Variants in PDS5B observed in about 807,000 individuals in gnomAD.
The protein encoded by PDS5B is sister chromatid cohesion protein PDS5 homolog B.
PDS5B carries 51 observed loss-of-function variants against 184.1 expected under a neutral mutation model. That is an observed-to-expected ratio of 0.28 (90% CI 0.22 to 0.35). The LOEUF (loss-of-function observed/expected upper bound fraction) is 0.35, where lower values mean the gene tolerates loss of function less well. Ranked by LOEUF, PDS5B falls within the 10% of genes least tolerant of loss-of-function variation. The pLI is 1.00. For missense variants in PDS5B, 1,180 were observed against 1,723.3 expected, an observed-to-expected ratio of 0.68 and a Z score of 5.58; for synonymous variants, 566 against 569.2, an observed-to-expected ratio of 0.99 and a Z score of 0.08.
At chr13:32,615,340 T>G (rs1419648361) in intron 1 of PDS5B, among the ~76,000 whole-genome samples, 2 of 152,178 alleles carry the variant, frequency 1.3e-5, no homozygotes, top group African/African-American at 4.8e-5. Flanking sequence ...CATCAGATAG[T>G]TTTTCATCAA....
chr13:32,648,812 A>T lies in PDS5B; in HGVS notation c.40A>T (p.Thr14Ser). The change falls in exon 2 of 35, where the codon ACA becomes TCA. Residue 14 changes from threonine (T) to serine (S), a missense_variant. By Grantham distance (58) the Thr-to-Ser change is moderately conservative. Around this residue, in one of 11 missense-constraint regions of PDS5B, gnomAD observed 13 missense variants for 16.1 expected, o/e 0.81. Transcript: ENST00000315596. ...GACTAGGACCAATGATGGAAAAATT[A>T]CATATCCGCCTGGGGTCAAGGAAAT... is the stretch of plus-strand genomic sequence containing the variant. Reference protein sequence around the residue: ...SKTRTNDGKITYPPGVKEISD... With the variant: ...SKTRTNDGKISYPPGVKEISD... 6.4e-7 allele frequency: 1 copy of T among 1,563,838 alleles called. No homozygotes were observed. Among genetic ancestry groups the T allele is most frequent in the Non-Finnish European group, 8.8e-7 (1 of 1,134,214 alleles).
chr13:32,593,537 C>A (rs1001663872), intron 1 of PDS5B, among the ~76,000 whole-genome samples: 8 of 152,268 alleles, frequency 5.3e-5, no homozygotes, highest in Middle Eastern at 3.4e-3. Flanking sequence ...GACGGGGTTT[C>A]GCCATGTTGG....
At chr13:32,710,842 C>T (rs1420442577) in intron 19 of PDS5B, among the ~76,000 whole-genome samples, 1 of 152,152 alleles carries the variant, frequency 6.6e-6, no homozygotes, top group Non-Finnish European at 1.5e-5. Flanking sequence ...GAAGAATTGC[C>T]TATGGGTCTT....
At chr13:32,755,719 A>G in intron 25 of PDS5B, 123 bp from the exon 26 acceptor site, 1 of 543,098 alleles carries the variant, frequency 1.8e-6, no homozygotes, top group Non-Finnish European at 3.3e-6. Flanking sequence ...TGGGATGCAG[A>G]AAATATAGTA....
In PDS5B at chr13:32,775,258, T is replaced by A; in HGVS notation, c.*206T>A. 1.7e-6 allele frequency: 1 copy of A among 571,964 alleles called. No individual in the cohort carries two copies. Among genetic ancestry groups the A allele is most frequent in the Non-Finnish European group, 3.1e-6 (1 of 321,956 alleles). 35.4% of individuals were successfully genotyped at this position (571,964 alleles called of 1,614,324 possible). A position where few individuals can be genotyped will look rare whatever the true frequency, so the allele number is the denominator to read the frequency against. ...TGGTAACATTGACTATGGAGTCTTG[T>A]GAAAGTGTAATGTGCGATGGCTATG... On this transcript the variant is annotated 3_prime_UTR_variant, in exon 35 of 35. Coordinates refer to ENST00000315596, the MANE Select transcript of PDS5B (RefSeq NM_015032.4).
At chr13:32,704,369 G>A (rs779763836) in intron 17 of PDS5B, among the ~76,000 whole-genome samples, 2 of 152,028 alleles carry the variant, frequency 1.3e-5, no homozygotes, top group African/African-American at 2.4e-5. Context: ...GGGTTTCACC[G>A]TGTTGCCCAG....
chr13:32,757,130 TAA>T (rs879507407), intron 26 of PDS5B, among the ~76,000 whole-genome samples: 10 of 143,026 alleles, frequency 7.0e-5, no homozygotes, highest in Admixed American at 3.5e-4. Flanking sequence ...CTGTCTCTAT[TAA>T]AAAAAAAAAA....
At chr13:32,614,118 T>A (rs1052594709) in intron 1 of PDS5B, among the ~76,000 whole-genome samples, 23 of 152,182 alleles carry the variant, frequency 1.5e-4, no homozygotes, top group African/African-American at 5.3e-4. Flanking sequence ...CTGTACTGTC[T>A]TAGTTAATGT....
chr13:32,658,567 A>ATTTT, intron 5 of PDS5B, 36 bp downstream of exon 5: 1 of 1,106,058 alleles, frequency 9.0e-7, no homozygotes, highest in South Asian at 1.5e-5. Context: ...ACATTAAAAA[A>ATTTT]AGGTAACAAA....
intron 6 of PDS5B, among the ~76,000 whole-genome samples, chr13:32,666,241 C>T (rs956042140): frequency 7.9e-5 from 12 of 151,998 alleles, no homozygotes; most frequent in South Asian, 2.1e-4. Context: ...CCACCACGCC[C>T]GGCTGATTTT....
intron 19 of PDS5B, among the ~76,000 whole-genome samples, chr13:32,716,583 C>G (rs182825816): frequency 6.8e-6 from 1 of 147,344 alleles, no homozygotes; most frequent in Admixed American, 6.7e-5. Flanking sequence ...GGTCAGCCCC[C>G]GCCAGGCCAG....
chr13:32,656,199 C>T (rs1950507600), intron 3 of PDS5B, among the ~76,000 whole-genome samples: 1 of 150,990 alleles, frequency 6.6e-6, no homozygotes, highest in African/African-American at 2.4e-5. Context: ...TGTTTTTGTA[C>T]CAGTACCATG....
In PDS5B at chr13:32,688,707, A is replaced by G. The variant is rs77084708; in HGVS notation, c.1469+138A>G. ...ATTGTTTAAAGGGTTATGTCGTAGT[A>G]CTTGGCTATTTTTTCAGAAAGTACC... is the stretch of plus-strand genomic sequence containing the variant. On this transcript the variant is annotated intron_variant, in intron 13 of 34. Coordinates refer to ENST00000315596, the MANE Select transcript of PDS5B (RefSeq NM_015032.4). The G allele has an allele frequency of 2.1e-3, 1,332 of 619,662 alleles. 19 individuals carry two copies. The African/African-American group carries it at 0.022, about 10-fold the overall frequency. The allele number at this position is 619,662 out of a possible 1,614,324, so 38.4% of individuals were successfully genotyped here. A position where few individuals can be genotyped will look rare whatever the true frequency, so the allele number is the denominator to read the frequency against.
chr13:32,759,235 A>G (rs1474385876), intron 28 of PDS5B, among the ~76,000 whole-genome samples: 1 of 152,202 alleles, frequency 6.6e-6, no homozygotes, highest in African/African-American at 2.4e-5. Flanking sequence ...TTAAAGCAAA[A>G]TGCCAGTTAA....
At chr13:32,606,265 G>T (rs1417509265) in intron 1 of PDS5B, among the ~76,000 whole-genome samples, 1 of 152,180 alleles carries the variant, frequency 6.6e-6, no homozygotes, top group Admixed American at 6.6e-5. Context: ...AGGCCTGGTG[G>T]TGACAAAATC....
At chr13:32,614,384 G>A (rs1210200381) in intron 1 of PDS5B, among the ~76,000 whole-genome samples, 4 of 149,718 alleles carry the variant, frequency 2.7e-5, no homozygotes, top group African/African-American at 7.4e-5. Context: ...TGCAACCTCC[G>A]CCTCCCGGGT....
intron 2 of PDS5B, 134 bp downstream of exon 2, chr13:32,649,014 C>A (rs900633189): frequency 4.6e-6 from 3 of 650,224 alleles, no homozygotes; most frequent in Admixed American, 2.6e-5. Flanking sequence ...TAGAAAAGAT[C>A]TAAGGGAGTA....
At chr13:32,667,072 G>C (rs1171352375) in intron 6 of PDS5B, among the ~76,000 whole-genome samples, 2 of 152,076 alleles carry the variant, frequency 1.3e-5, no homozygotes, top group Admixed American at 1.3e-4. Context: ...CTAAAAATAT[G>C]CTGAGTAAAG....
intron 25 of PDS5B, among the ~76,000 whole-genome samples, chr13:32,755,605 C>A (rs543785448): frequency 2.7e-4 from 41 of 152,050 alleles, no homozygotes; most frequent in Non-Finnish European, 5.3e-4. Flanking sequence ...TTTAGTAGGC[C>A]ATTTCAATAT....
Sources: allele counts gnomAD v4.1 joint callset (sites outside exome capture counted in the v4.1 genomes callset), GRCh38; gene constraint gnomAD v4.1.1; regional missense constraint gnomAD v4.1.1; transcripts MANE v1.5; gene names NCBI Gene and HGNC (gene_info 2026-07-23, HGNC 2026-07-21).